Variants in VPS13B observed in about 807,000 individuals in gnomAD.
The protein encoded by VPS13B is vacuolar protein sorting 13 homolog B, also known as intermembrane lipid transfer protein VPS13B.
VPS13B carries 285 observed loss-of-function variants against 426.4 expected under a neutral mutation model. The observed-to-expected ratio is 0.67, with a 90% CI of 0.61 to 0.74. VPS13B has a LOEUF of 0.74. Ranked by LOEUF, VPS13B falls within the 30% of genes least tolerant of loss-of-function variation. VPS13B has a pLI of 0.00. For missense variants in VPS13B, 4,537 were observed against 4,782.6 expected (o/e 0.95, Z 1.51); for synonymous variants, 1,676 against 1,676.4 (o/e 1.00, Z 0.01).
At chr8:99,474,277 C>T (rs1819576613) in intron 24 of VPS13B, among the ~76,000 whole-genome samples, 1 of 150,108 alleles carries the variant, frequency 6.7e-6, no homozygotes, top group Admixed American at 6.7e-5. Context: ...CAACCTCCTC[C>T]TCGCAGGTTC....
rs1421737971 is a variant in VPS13B at position 99,817,557 on chromosome 8, A to G, written c.8115A>G (p.Arg2705=). ...TCTTTTAGATTATCATCTGTGGAAG[A>G]CAGATCATCTGTAGTTACTTGTCTC... is the stretch of plus-strand genomic sequence containing the variant. ...GVQKQIIICG[R]QIICSYLSQS... is the part of the protein sequence containing the mutation. The change falls in exon 45 of 62, where the codon AGA becomes AGG. Residue 2705 remains arginine, a synonymous_variant. Transcript: ENST00000357162. 1 of 1,613,894 alleles carries G rather than the reference A, an allele frequency of 6.2e-7. No homozygotes were observed. Among genetic ancestry groups the G allele is most frequent in the East Asian group, 2.2e-5 (1 of 44,858 alleles).
intron 35 of VPS13B, among the ~76,000 whole-genome samples, chr8:99,684,482 C>T (rs1223208832): frequency 6.6e-6 from 1 of 152,164 alleles, no homozygotes; most frequent in African/African-American, 2.4e-5. Context: ...TCTCTATCTC[C>T]ACATGATATC....
rs1308596043 is a variant in VPS13B, at chr8:99,569,249, G to A, written c.4950-6409G>A. Among the ~76,000 whole-genome samples the A allele has an allele frequency of 3.3e-5, 5 of 151,538 alleles. No individual in the cohort carries two copies. In the South Asian group the frequency reaches 6.2e-4, roughly 19 times the overall value. ...TGTGCACCAGCCTGGGCAGCATGGCGAAACCCCGTCTCTACAAAAAATACA... is the reference window on the plus strand; with the variant it reads ...TGTGCACCAGCCTGGGCAGCATGGCAAAACCCCGTCTCTACAAAAAATACA... On this transcript the variant is annotated intron_variant, in intron 31 of 61. Transcript: ENST00000357162.
chr8:99,207,696 G>T (rs1037265457), intron 17 of VPS13B, among the ~76,000 whole-genome samples: 1 of 152,136 alleles, frequency 6.6e-6, no homozygotes, highest in African/African-American at 2.4e-5. Flanking sequence ...ATAGATAAAT[G>T]AGTTAGATTT....
chr8:99,239,559 A>C (rs984476429), intron 17 of VPS13B, among the ~76,000 whole-genome samples: 2 of 152,172 alleles, frequency 1.3e-5, no homozygotes, highest in Non-Finnish European at 2.9e-5. Context: ...TTTGGTTTTT[A>C]AAGAATACTC....
intron 39 of VPS13B, among the ~76,000 whole-genome samples, chr8:99,761,441 G>T (rs1014747333): frequency 6.6e-6 from 1 of 152,116 alleles, no homozygotes; most frequent in African/African-American, 2.4e-5. Flanking sequence ...GCTACCTAAT[G>T]GCTTCCCACA....
intron 2 of VPS13B, among the ~76,000 whole-genome samples, chr8:99,030,901 T>G (rs975786404): frequency 6.6e-6 from 1 of 152,226 alleles, no homozygotes; most frequent in Admixed American, 6.5e-5. Flanking sequence ...TTCATTAATC[T>G]TTCTTAAATG....
chr8:99,642,025 TTGACATATTTATTAC>T lies in VPS13B; in HGVS notation c.5438_5452del (p.Asp1813_Thr1817del), dbSNP rs1057519183. On this transcript the variant is annotated inframe_deletion, in exon 34 of 62. Coordinates refer to ENST00000357162, the MANE Select transcript of VPS13B (RefSeq NM_152564.5). ...GTAAAAAATCTAAATTTTATTCCCT[TTGACATATTTATTAC>T]TGCAAGTAGAATCTCACTAATGACC... The T allele has an allele frequency of 3.1e-6, 5 of 1,613,992 alleles. No individual in the cohort carries two copies. Among genetic ancestry groups the T allele is most frequent in the Non-Finnish European group, 3.4e-6 (4 of 1,180,010 alleles).
intron 34 of VPS13B, among the ~76,000 whole-genome samples, chr8:99,658,800 C>G (rs1016460311): frequency 6.6e-5 from 10 of 151,766 alleles, no homozygotes; most frequent in African/African-American, 2.2e-4. Context: ...TTTTTTTGTT[C>G]TTGTTGTTGT....
At chr8:99,147,689 G>T in intron 13 of VPS13B, 152 bp from the exon 14 acceptor site, 1 of 361,070 alleles carries the variant, frequency 2.8e-6, no homozygotes, top group Non-Finnish European at 4.6e-6. Flanking sequence ...ACTTATATTT[G>T]TTAAAGGTAA....
chr8:99,169,988 T>G, intron 15 of VPS13B, 51 bp from the exon 16 acceptor site: 1 of 1,607,780 alleles, frequency 6.2e-7, no homozygotes. Flanking sequence ...CATCCTGTGC[T>G]TATTAAAACT....
chr8:99,646,379 A>C (rs539657582), intron 34 of VPS13B, among the ~76,000 whole-genome samples: 1 of 152,208 alleles, frequency 6.6e-6, no homozygotes, highest in Admixed American at 6.5e-5. Context: ...TGTAATTGCC[A>C]CCAGTTGCAG....
intron 17 of VPS13B, 68 bp from the exon 18 acceptor site, chr8:99,274,130 C>G: frequency 6.2e-7 from 1 of 1,600,890 alleles, no homozygotes; most frequent in Non-Finnish European, 8.5e-7. Flanking sequence ...GTTTAAATGC[C>G]TTGGTGAAGG....
chr8:99,577,713 T>A, intron 33 of VPS13B, 80 bp downstream of exon 33: 6 of 1,513,574 alleles, frequency 4.0e-6, no homozygotes, highest in Non-Finnish European at 5.5e-6. Flanking sequence ...ATAATTAAGC[T>A]GACTGCTTTC....
chr8:99,141,895 A>C lies in VPS13B; in HGVS notation c.1652-1079A>C, dbSNP rs936602307. 1.1e-4 allele frequency among the ~76,000 whole-genome samples: 17 copies of C among 151,114 alleles called. No homozygotes were observed. In the East Asian group the frequency reaches 3.3e-3, roughly 29 times the overall value. On this transcript the variant is annotated intron_variant, in intron 12 of 61. Coordinates refer to ENST00000357162, the MANE Select transcript of VPS13B (RefSeq NM_152564.5). ...CTGTCTCTACTAAAAAAAAAAAAAA[A>C]AAACAAAATTAGCCGGGCGTGGTGG...
rs201118170 is a variant in VPS13B at position 99,624,824 on chromosome 8, T to C, written c.5221-16987T>C. Among the ~76,000 whole-genome samples the C allele has an allele frequency of 6.4e-4, 87 of 135,104 alleles. 1 individual carries two copies. Among genetic ancestry groups the C allele is most frequent in the East Asian group, 4.0e-3 (17 of 4,224 alleles). The allele number at this position is 135,104 out of a possible 152,430, so 88.6% of individuals were successfully genotyped here. On this transcript the variant is annotated intron_variant, in intron 33 of 61. Transcript: ENST00000357162. ...CTTATTTTGCTTTTTTTTTTTTTTT[T>C]CCCCCTTCCTGAGATGGAGTTTTGC... is the stretch of plus-strand genomic sequence containing the variant.
intron 57 of VPS13B, 68 bp downstream of exon 57, chr8:99,859,548 G>A: frequency 6.3e-7 from 1 of 1,580,142 alleles, no homozygotes; most frequent in South Asian, 1.1e-5. Flanking sequence ...TAAAGAATGT[G>A]CTAAAGTTTT....
chr8:99,282,999 T>C (rs1325899935), intron 19 of VPS13B, among the ~76,000 whole-genome samples: 1 of 152,212 alleles, frequency 6.6e-6, no homozygotes, highest in Non-Finnish European at 1.5e-5. Flanking sequence ...GTTCTTTGTC[T>C]TGATTAAAAC....
Position 99,720,864 on chromosome 8 carries a change from A to G in VPS13B, c.6867A>G (p.Glu2289=), listed in dbSNP as rs1217062116. ...ATTAATTATACTTTTATTTGACAGA[A>G]TCTTTGAAATTGCCTGGGGTCTATG... ...TGLFQYVQDA[E]SLKLPGVYEV... The change falls in exon 39 of 62, where the codon GAA becomes GAG. Residue 2289 remains glutamate, a splice_region_variant and synonymous_variant. Coordinates refer to ENST00000357162, the MANE Select transcript of VPS13B (RefSeq NM_152564.5). The G allele has an allele frequency of 1.2e-6, 2 of 1,612,484 alleles. No individual in the cohort carries two copies. The highest frequency in any genetic ancestry group is 1.7e-6 in the Non-Finnish European group (2 of 1,179,052).
Sources: gnomAD v4.1 joint callset for allele counts (sites outside exome capture counted in the v4.1 genomes callset) on GRCh38, gnomAD v4.1.1 for gene constraint, MANE v1.5 for transcripts, NCBI Gene and HGNC (gene_info 2026-07-23, HGNC 2026-07-21) for gene names.